KIAA1549L: variants seen among roughly 807,000 people sequenced by gnomAD.
The protein encoded by KIAA1549L is KIAA1549 like, also known as UPF0606 protein KIAA1549L.
Under a neutral mutation model 160.7 loss-of-function variants are expected in KIAA1549L, and 88 were observed. The ratio of observed to expected loss-of-function variants is 0.55; its 90% CI spans 0.46 to 0.65. KIAA1549L has a LOEUF of 0.65. KIAA1549L is among the 30% of genes least tolerant of loss of function. KIAA1549L has a pLI of 0.00. For missense variants in KIAA1549L, 2,258 were observed against 2,437.5 expected (o/e 0.93, Z 1.55); for synonymous variants, 950 against 976.7 (o/e 0.97, Z 0.51).
At chr11:33,487,873 G>A (rs1194146413) in intron 1 of KIAA1549L, among the ~76,000 whole-genome samples, 2 of 152,120 alleles carry the variant, frequency 1.3e-5, no homozygotes, top group African/African-American at 4.8e-5. Context: ...TCTTACATGT[G>A]ATTGAAATCT....
chr11:33,421,675 C>T (rs1018238184), intron 1 of KIAA1549L, among the ~76,000 whole-genome samples: 1 of 152,138 alleles, frequency 6.6e-6, no homozygotes, highest in African/African-American at 2.4e-5. Context: ...AGTCTGTTCT[C>T]CATGTTTTGA....
intron 1 of KIAA1549L, among the ~76,000 whole-genome samples, chr11:33,464,344 C>T (rs1852000147): frequency 6.6e-6 from 1 of 152,166 alleles, no homozygotes; most frequent in Admixed American, 6.5e-5. Flanking sequence ...GTGTCAGGTC[C>T]TACCTACACT....
intron 1 of KIAA1549L, among the ~76,000 whole-genome samples, chr11:33,418,736 G>A (rs1176271755): frequency 1.3e-5 from 2 of 152,262 alleles, no homozygotes; most frequent in East Asian, 3.9e-4. Flanking sequence ...GCAGCTGAGG[G>A]ACCCCAGAAA....
At chr11:33,438,526 C>G (rs1330759434) in intron 1 of KIAA1549L, among the ~76,000 whole-genome samples, 2 of 152,220 alleles carry the variant, frequency 1.3e-5, no homozygotes, top group African/African-American at 4.8e-5. Flanking sequence ...AGCAGGGGCC[C>G]TGAATACTGG....
At chr11:33,651,863 C>A (rs1360915526) in intron 17 of KIAA1549L, among the ~76,000 whole-genome samples, 1 of 41,724 alleles carries the variant, frequency 2.4e-5, no homozygotes, top group African/African-American at 2.0e-4. Flanking sequence ...ATTCCCCTCC[C>A]CTCCCCTCCC....
chr11:33,398,046 C>T lies in KIAA1549L; in HGVS notation c.238+21157C>T, dbSNP rs149159467. Among the ~76,000 whole-genome samples the T allele has an allele frequency of 5.6e-3, 839 of 150,970 alleles. 12 individuals are homozygous for T. Among genetic ancestry groups the T allele is most frequent in the African/African-American group, 0.02 (813 of 41,136 alleles). On this transcript the variant is annotated intron_variant, in intron 1 of 20. Transcript: ENST00000658780. ...CAAGAATTCTCCTGCCTCAGCCTCCCGTGTAGCTGGGATTACAGGTGCCTG... is the reference window on the plus strand; with the variant it reads ...CAAGAATTCTCCTGCCTCAGCCTCCTGTGTAGCTGGGATTACAGGTGCCTG...
At chr11:33,506,434 C>T (rs907911284) in intron 1 of KIAA1549L, among the ~76,000 whole-genome samples, 7 of 152,102 alleles carry the variant, frequency 4.6e-5, no homozygotes, top group African/African-American at 9.7e-5. Context: ...ACTATAAAAA[C>T]GCCCAGGTGG....
intron 1 of KIAA1549L, among the ~76,000 whole-genome samples, chr11:33,414,519 GA>G (rs1396628450): frequency 1.3e-5 from 2 of 152,056 alleles, no homozygotes; most frequent in Non-Finnish European, 2.9e-5. Flanking sequence ...TAAATTCCTG[GA>G]ATAGAGGTAC....
At chr11:33,667,330 T>G (rs1429572173) in intron 20 of KIAA1549L, among the ~76,000 whole-genome samples, 1 of 152,150 alleles carries the variant, frequency 6.6e-6, no homozygotes, top group Non-Finnish European at 1.5e-5. Flanking sequence ...CCTAAGGTTT[T>G]TCAGCAAAGT....
intron 1 of KIAA1549L, among the ~76,000 whole-genome samples, chr11:33,501,426 A>G (rs1239834783): frequency 6.6e-6 from 1 of 152,228 alleles, no homozygotes; most frequent in African/African-American, 2.4e-5. Flanking sequence ...TGGATAATGA[A>G]GGATAGTTAT....
chr11:33,482,005 T>G, intron 1 of KIAA1549L, among the ~76,000 whole-genome samples: 1 of 152,202 alleles, frequency 6.6e-6, no homozygotes, highest in Non-Finnish European at 1.5e-5. Flanking sequence ...ACTATTCAGG[T>G]TTTCCTTATT....
chr11:33,458,913 A>G (rs886573804), intron 1 of KIAA1549L, among the ~76,000 whole-genome samples: 1 of 152,232 alleles, frequency 6.6e-6, no homozygotes, highest in Non-Finnish European at 1.5e-5. Flanking sequence ...TTCAGAGCAC[A>G]AGACTTAGAA....
chr11:33,543,761 G>T lies in KIAA1549L; in HGVS notation c.2198G>T (p.Ser733Ile), dbSNP rs760798549. The change falls in exon 2 of 21, where the codon AGT becomes ATT. Residue 733 changes from serine (S) to isoleucine (I), a missense_variant. Ser to Ile is a moderately radical substitution (Grantham distance 142). Coordinates refer to ENST00000658780, the MANE Select transcript of KIAA1549L (RefSeq NM_012194.3). ...DLNGHTISTT[S>I]WETHLAPTAP... ...AATGGACACACAATTAGCACCACAA[G>T]TTGGGAAACTCATTTAGCTCCAACA... is the stretch of plus-strand genomic sequence containing the variant. 28 of 1,613,922 alleles carry T rather than the reference G, an allele frequency of 1.7e-5. 1 individual carries two copies. The highest frequency in any genetic ancestry group is 4.0e-5 in the African/African-American group (3 of 74,940).
At chr11:33,427,388 C>T (rs949084338) in intron 1 of KIAA1549L, among the ~76,000 whole-genome samples, 1 of 152,162 alleles carries the variant, frequency 6.6e-6, no homozygotes, top group Non-Finnish European at 1.5e-5. Context: ...CGGGGTCCTC[C>T]TGCCAGCAGT....
chr11:33,396,341 T>A (rs1850373015), intron 1 of KIAA1549L, among the ~76,000 whole-genome samples: 2 of 152,072 alleles, frequency 1.3e-5, no homozygotes, highest in Admixed American at 1.3e-4. Flanking sequence ...CATGAGAAGA[T>A]TGAAAACTAC....
chr11:33,483,209 A>G (rs1199091718), intron 1 of KIAA1549L, among the ~76,000 whole-genome samples: 1 of 152,180 alleles, frequency 6.6e-6, no homozygotes, highest in African/African-American at 2.4e-5. Flanking sequence ...CCATCGTTCT[A>G]GAATAAATGA....
chr11:33,530,436 AATATATATATATATATAT>A (rs869093534), intron 1 of KIAA1549L, among the ~76,000 whole-genome samples: 14 of 11,894 alleles, frequency 1.2e-3, no homozygotes, highest in East Asian at 3.4e-3. Flanking sequence ...AAAAAAAAAA[AATATATATATATATATAT>A]ATATATATAT....
chr11:33,383,800 G>A (rs761033948), intron 1 of KIAA1549L, among the ~76,000 whole-genome samples: 7 of 152,192 alleles, frequency 4.6e-5, no homozygotes, highest in South Asian at 2.1e-4. Flanking sequence ...GCCTGCATGG[G>A]ACCGAGGCTC....
chr11:33,638,876 A>G (rs1479558205), intron 16 of KIAA1549L, among the ~76,000 whole-genome samples: 1 of 152,086 alleles, frequency 6.6e-6, no homozygotes, highest in Non-Finnish European at 1.5e-5. Context: ...AATGATGTTG[A>G]TCATCTTTCC....
Sources: allele counts gnomAD v4.1 joint callset (sites outside exome capture counted in the v4.1 genomes callset), GRCh38; gene constraint gnomAD v4.1.1; transcripts MANE v1.5; gene names NCBI Gene and HGNC (gene_info 2026-07-23, HGNC 2026-07-21).